The following DPP6 variants were observed in gnomAD, a reference collection of about 807,000 sequenced individuals.
DPP6 encodes the protein A-type potassium channel modulatory protein DPP6.
A neutral mutation model predicts 122.6 loss-of-function variants in DPP6; 69 were observed. That is an observed-to-expected ratio of 0.56 (90% CI 0.46 to 0.69). The LOEUF is 0.69. Among genes scored for constraint, DPP6 ranks in the 30% least tolerant of loss-of-function variants. DPP6 has a pLI of 0.00. For synonymous variants in DPP6, 418 were observed against 433.1 expected, an observed-to-expected ratio of 0.97 and a Z score of 0.43; for missense variants, 928 against 1,116.9, an observed-to-expected ratio of 0.83 and a Z score of 2.41.
At chr7:154,520,688 A>G (rs1826902230) in intron 3 of DPP6, among the ~76,000 whole-genome samples, 1 of 152,238 alleles carries the variant, frequency 6.6e-6, no homozygotes, top group Non-Finnish European at 1.5e-5. Flanking sequence ...AAATGCTGAA[A>G]TGAATTTACT....
At chr7:153,955,548 C>T (rs956524799) in intron 1 of DPP6, among the ~76,000 whole-genome samples, 18 of 152,154 alleles carry the variant, frequency 1.2e-4, no homozygotes, top group Non-Finnish European at 2.2e-4. Flanking sequence ...AAGCAATTCT[C>T]CTGCCTCAGC....
chr7:153,817,186 A>C, the DPP6 span, among the ~76,000 whole-genome samples: 14 of 148,052 alleles, frequency 9.5e-5, no homozygotes, highest in Non-Finnish European at 1.5e-5. Context: ...CTCCAACTAA[A>C]TTTAGGGGTG....
chr7:154,306,934 G>A (rs551323863), intron 1 of DPP6, among the ~76,000 whole-genome samples: 41 of 152,288 alleles, frequency 2.7e-4, no homozygotes, highest in African/African-American at 9.4e-4. Context: ...TTAGCATTCT[G>A]TAATTAACTG....
Position 154,481,865 on chromosome 7 carries a change from T to C in DPP6, c.457+6828T>C, listed in dbSNP as rs1037079604. On this transcript the variant is annotated intron_variant, in intron 3 of 25. Coordinates refer to ENST00000377770, the MANE Select transcript of DPP6 (RefSeq NM_130797.4). The surrounding 1 kb of genome is among the most constrained non-coding windows in gnomAD (Gnocchi z 4.2). ...TGCACTGACCCTTTTGTTACATAGG[T>C]TAAGTATAATTATTTATGAATGTAA... Among the ~76,000 whole-genome samples the C allele has an allele frequency of 1.3e-5, 2 of 152,166 alleles. No homozygotes were observed. Among genetic ancestry groups the C allele is most frequent in the African/African-American group, 4.8e-5 (2 of 41,450 alleles).
At chr7:153,818,283 G>A in the DPP6 span, among the ~76,000 whole-genome samples, 17 of 152,124 alleles carry the variant, frequency 1.1e-4, no homozygotes, top group South Asian at 2.1e-4. Context: ...TGGAGACAGC[G>A]GCGGTGGCAG....
intron 7 of DPP6, among the ~76,000 whole-genome samples, chr7:154,706,742 C>G (rs919036581): frequency 6.6e-6 from 1 of 152,210 alleles, no homozygotes; most frequent in Non-Finnish European, 1.5e-5. Context: ...ATTTTGAGAA[C>G]TTTTTCTCAG....
chr7:154,238,381 T>C (rs1275017566), intron 1 of DPP6, among the ~76,000 whole-genome samples: 6 of 152,162 alleles, frequency 3.9e-5, no homozygotes, highest in Non-Finnish European at 7.3e-5. Context: ...CCTTAACAAT[T>C]CAGAAGGGGT....
intron 1 of DPP6, among the ~76,000 whole-genome samples, chr7:154,201,093 T>C (rs779911834): frequency 1.3e-5 from 2 of 152,108 alleles, no homozygotes; most frequent in Non-Finnish European, 2.9e-5. Flanking sequence ...ACTTGCATTA[T>C]AGTTGTGGGT....
At chr7:153,765,856 T>G in the DPP6 span, among the ~76,000 whole-genome samples, 1 of 152,194 alleles carries the variant, frequency 6.6e-6, no homozygotes, top group Non-Finnish European at 1.5e-5. Context: ...TGACTTATCC[T>G]TTTCACAATA....
At chr7:154,729,329 T>A (rs1353065806) in intron 8 of DPP6, among the ~76,000 whole-genome samples, 2 of 152,198 alleles carry the variant, frequency 1.3e-5, no homozygotes, top group Non-Finnish European at 2.9e-5. Context: ...CTCCTAGTGC[T>A]GTGCATGCCT....
chr7:153,843,086 ACACG>A, the DPP6 span, among the ~76,000 whole-genome samples: 4 of 147,976 alleles, frequency 2.7e-5, no homozygotes, highest in Admixed American at 2.7e-4. Context: ...GTGCGCACAC[ACACG>A]AGTGCATACA....
chr7:153,929,782 A>G (rs1334583543), intron 1 of DPP6, among the ~76,000 whole-genome samples: 2 of 152,162 alleles, frequency 1.3e-5, no homozygotes, highest in East Asian at 3.9e-4. Flanking sequence ...TACTGTTTGA[A>G]TTGTAATTTA....
chr7:154,129,135 T>C (rs1475466961), intron 1 of DPP6, among the ~76,000 whole-genome samples: 1 of 152,026 alleles, frequency 6.6e-6, no homozygotes, highest in African/African-American at 2.4e-5. Flanking sequence ...TCCAACTTTA[T>C]GGTAGAGGTC....
chr7:154,089,123 A>T (rs1448623606), intron 1 of DPP6, among the ~76,000 whole-genome samples: 1 of 152,184 alleles, frequency 6.6e-6, no homozygotes, highest in Non-Finnish European at 1.5e-5. Context: ...ACAGAAGCAG[A>T]ATTGGATTTC....
intron 1 of DPP6, among the ~76,000 whole-genome samples, chr7:154,242,803 G>GTTT (rs1309701201): frequency 6.6e-6 from 1 of 152,194 alleles, no homozygotes; most frequent in Non-Finnish European, 1.5e-5. Flanking sequence ...CTCATTGCTG[G>GTTT]TTTTTGGCTG....
In DPP6 at chr7:154,458,384, C is replaced by A. The variant is rs1286180815; in HGVS notation, c.358+12056C>A. 2.6e-5 allele frequency among the ~76,000 whole-genome samples: 4 copies of A among 152,188 alleles called. No homozygotes were observed. The East Asian group carries it at 7.7e-4, about 29-fold the overall frequency. ...TTTGCCTTCCACCATGATTGTGAGG[C>A]CTCCCCAGCCATGTGGAACTGTGAG... On this transcript the variant is annotated intron_variant, in intron 2 of 25. Coordinates refer to ENST00000377770, the MANE Select transcript of DPP6 (RefSeq NM_130797.4).
At chr7:154,587,633 C>T in intron 5 of DPP6, 1 of 1,535,770 alleles carries the variant, frequency 6.5e-7, no homozygotes, top group Non-Finnish European at 8.8e-7. Context: ...TGATTCTGCC[C>T]ATCTCCCACT....
intron 1 of DPP6, among the ~76,000 whole-genome samples, chr7:154,341,450 A>T (rs1809924346): frequency 6.6e-6 from 1 of 152,074 alleles, no homozygotes. Flanking sequence ...CATACTCTGT[A>T]GTCGCAGATC....
chr7:154,228,105 T>A lies in DPP6; in HGVS notation c.243+175042T>A, dbSNP rs58069698. On this transcript the variant is annotated intron_variant, in intron 1 of 25. Coordinates refer to ENST00000377770, the MANE Select transcript of DPP6 (RefSeq NM_130797.4). The stretch of plus-strand genomic sequence containing the variant: ...AAGCTTAATAGAATTAATAATCAAA[T>A]GGGATCCTGAGATCAATAATTCTCA... 8.1e-3 allele frequency among the ~76,000 whole-genome samples: 1,234 copies of A among 152,344 alleles called. 22 individuals carry two copies. Among genetic ancestry groups the A allele is most frequent in the African/African-American group, 0.028 (1,167 of 41,574 alleles).
Sources: gnomAD v4.1 joint callset for allele counts (sites outside exome capture counted in the v4.1 genomes callset) on GRCh38, gnomAD v4.1.1 for gene constraint, Gnocchi (gnomAD v3.1) non-coding constraint, MANE v1.5 for transcripts, NCBI Gene and HGNC (gene_info 2026-07-23, HGNC 2026-07-21) for gene names.